Variants in SMS observed in about 807,000 individuals in gnomAD.
SMS encodes the protein spermine synthase, also known as spermidine aminopropyltransferase.
A neutral mutation model predicts 33.0 loss-of-function variants in SMS; 3 were observed. That is an observed-to-expected ratio of 0.09 (90% CI 0.04 to 0.23). The LOEUF is 0.23. SMS is among the 10% of genes least tolerant of loss of function. The pLI, the probability that SMS is intolerant of heterozygous loss-of-function variation, is 1.00. For synonymous variants in SMS, 103 were observed against 112.2 expected (o/e 0.92, Z 0.52); for missense variants, 117 against 288.6 (o/e 0.41, Z 4.31).
chrX:21,951,434 T>G (rs747040168), intron 1 of SMS, among the ~76,000 whole-genome samples: 2 of 112,482 alleles, frequency 1.8e-5, no homozygotes, highest in African/African-American at 6.4e-5. Context: ...AGAAGCTCTT[T>G]AGTTGAATTA....
In SMS at chrX:21,971,928, T is replaced by C. The variant is rs1412027822; in HGVS notation, c.202T>C (p.Leu68=). The C allele has an allele frequency of 8.3e-7, 1 of 1,201,179 alleles. No homozygotes were observed. Among genetic ancestry groups the C allele is most frequent in the Admixed American group, 2.2e-5 (1 of 46,012 alleles). Residue 68 remains leucine (L), a synonymous_variant, in exon 3 of 11, where the codon TTG becomes CTG. Coordinates refer to ENST00000404933, the MANE Select transcript of SMS (RefSeq NM_004595.5). ...CAATTTGAGAATTTACCCACATGGATTGGTGTTGCTGGACCTTCAGAGTTA... is the reference window on the plus strand; with the variant it reads ...CAATTTGAGAATTTACCCACATGGACTGGTGTTGCTGGACCTTCAGAGTTA... ...FANLRIYPHG[L]VLLDLQSYDG...
chrX:21,994,238 G>A (rs1031108959), intron 10 of SMS, 74 bp from the exon 11 acceptor site: 1 of 956,123 alleles, frequency 1.0e-6, no homozygotes, highest in Non-Finnish European at 1.5e-6. Flanking sequence ...CAATTTGTAG[G>A]CCAGCAAACG....
intron 1 of SMS, among the ~76,000 whole-genome samples, chrX:21,947,323 A>G (rs1031974153): frequency 3.1e-4 from 34 of 111,350 alleles, no homozygotes; most frequent in Non-Finnish European, 4.1e-4. Context: ...TGGGGAATGC[A>G]TGCTTGGGCC....
chrX:21,968,958 G>A (rs757978867), intron 2 of SMS, among the ~76,000 whole-genome samples: 2 of 111,520 alleles, frequency 1.8e-5, no homozygotes, highest in Admixed American at 1.9e-4. Flanking sequence ...ACTCCAGGAT[G>A]GGGTATTTTC....
rs770413814 is a variant in SMS, at chrX:21,994,548, C to T, written c.*197C>T. The T allele has an allele frequency of 1.9e-3, 2,003 of 1,042,082 alleles. No homozygotes were observed. The highest frequency in any genetic ancestry group is 2.3e-3 in the Non-Finnish European group (1,916 of 818,884). 85.9% of individuals were successfully genotyped at this position (1,042,082 alleles called of 1,213,427 possible). ...CTTAGGGTGTTTTTTTTTTGAAAGT[C>T]AGCTGAAGGATGGTTAGACAGCACA... On this transcript the variant is annotated 3_prime_UTR_variant, in exon 11 of 11. Coordinates refer to ENST00000404933, the MANE Select transcript of SMS (RefSeq NM_004595.5).
At chrX:21,947,256 G>A (rs916921056) in intron 1 of SMS, among the ~76,000 whole-genome samples, 6 of 111,481 alleles carry the variant, frequency 5.4e-5, no homozygotes, top group African/African-American at 2.0e-4. Context: ...TGATAACACC[G>A]CAGGCACAGA....
rs191553798 is a variant in SMS at position 21,989,806 on chromosome X, G to C, written c.946-2791G>C. Among the ~76,000 whole-genome samples the C allele has an allele frequency of 5.6e-3, 622 of 111,275 alleles. 6 individuals carry two copies. The highest frequency in any genetic ancestry group is 0.019 in the African/African-American group (590 of 30,563). ...GGCCCAGGCTAGAGTACAGTGGCTT[G>C]ATCACTGCTCACTGCAACCTTTGCC... is the stretch of plus-strand genomic sequence containing the variant. On this transcript the variant is annotated intron_variant, in intron 9 of 10. Transcript: ENST00000404933.
chrX:21,966,966 G>A lies in SMS; in HGVS notation c.50-230G>A, dbSNP rs182751635. Reference sequence around the variant, plus strand: ...ACCGTCGTGTAATCTGGTGGTCTGCGTTGCCTTTCCTTGCAGGGTGGAGAA... The same window carrying A: ...ACCGTCGTGTAATCTGGTGGTCTGCATTGCCTTTCCTTGCAGGGTGGAGAA... On this transcript the variant is annotated intron_variant, in intron 1 of 10. Coordinates refer to ENST00000404933, the MANE Select transcript of SMS (RefSeq NM_004595.5). 2.9e-3 allele frequency among the ~76,000 whole-genome samples: 321 copies of A among 111,379 alleles called. 3 individuals are homozygous for A. Among genetic ancestry groups the A allele is most frequent in the African/African-American group, 0.01 (307 of 30,635 alleles).
rs750634257 is a variant in SMS at position 21,981,753 on chromosome X, G to A, written c.751-2551G>A. Among the ~76,000 whole-genome samples the A allele has an allele frequency of 3.6e-5, 4 of 111,813 alleles. No individual in the cohort carries two copies. The South Asian group carries it at 1.5e-3, about 42-fold the overall frequency. On this transcript the variant is annotated intron_variant, in intron 7 of 10. Transcript: ENST00000404933. ...AGAAATAGGAATTTTGGTGACTTAG[G>A]CTCTAAATGTAAAAACTAATACATT...
intron 2 of SMS, among the ~76,000 whole-genome samples, chrX:21,967,811 G>A (rs1429704409): frequency 8.9e-6 from 1 of 112,620 alleles, no homozygotes; most frequent in African/African-American, 3.2e-5. Context: ...GGACTTTAGC[G>A]TAATAGTAAG....
chrX:21,942,175 G>A (rs1344630637), intron 1 of SMS, among the ~76,000 whole-genome samples: 3 of 110,640 alleles, frequency 2.7e-5, no homozygotes, highest in African/African-American at 9.9e-5. Flanking sequence ...TGTTTTCCTC[G>A]AATTGGATAG....
intron 1 of SMS, among the ~76,000 whole-genome samples, chrX:21,944,578 T>C (rs1174655850): frequency 2.0e-5 from 2 of 101,329 alleles, no homozygotes; most frequent in Non-Finnish European, 3.9e-5. Flanking sequence ...GTGAGTTTTC[T>C]GCACCTGTAG....
chrX:21,941,979 G>C (rs991760586), intron 1 of SMS, among the ~76,000 whole-genome samples: 7 of 105,231 alleles, frequency 6.7e-5, no homozygotes, highest in African/African-American at 2.4e-4. Flanking sequence ...GAAATTTGAA[G>C]GGGAAGGATA....
intron 7 of SMS, among the ~76,000 whole-genome samples, chrX:21,983,058 A>G (rs1925078636): frequency 9.0e-6 from 1 of 110,951 alleles, no homozygotes; most frequent in African/African-American, 3.3e-5. Flanking sequence ...TTTTTGAGTC[A>G]AGGTCTTGCT....
intron 9 of SMS, among the ~76,000 whole-genome samples, chrX:21,986,435 C>G (rs1465513687): frequency 9.2e-6 from 1 of 109,081 alleles, no homozygotes; most frequent in African/African-American, 3.3e-5. Flanking sequence ...CCAGCAGACC[C>G]TATCCTGGAC....
intron 9 of SMS, 144 bp from the exon 10 acceptor site, chrX:21,992,453 G>A (rs1925820065): frequency 4.1e-6 from 2 of 487,412 alleles, no homozygotes; most frequent in Non-Finnish European, 7.3e-6. Context: ...AGTGTGATTT[G>A]TGAAAATACA....
chrX:21,971,089 G>A (rs1380710485), intron 2 of SMS, among the ~76,000 whole-genome samples: 4 of 109,062 alleles, frequency 3.7e-5, no homozygotes, highest in Non-Finnish European at 5.7e-5. Context: ...CCAGCTACTC[G>A]GGAGGCTGAG....
intron 2 of SMS, among the ~76,000 whole-genome samples, chrX:21,970,565 G>A (rs1924063272): frequency 9.2e-6 from 1 of 109,243 alleles, no homozygotes; most frequent in Non-Finnish European, 1.9e-5. Flanking sequence ...AACTAGTTTT[G>A]TTTTATTTTA....
chrX:21,957,429 C>T (rs780297224), intron 1 of SMS, among the ~76,000 whole-genome samples: 83 of 110,455 alleles, frequency 7.5e-4, no homozygotes, highest in Non-Finnish European at 8.5e-4. Context: ...CCCAAGTAGC[C>T]AGGGCTACAG....
Sources: allele counts gnomAD v4.1 joint callset (sites outside exome capture counted in the v4.1 genomes callset), GRCh38; gene constraint gnomAD v4.1.1; transcripts MANE v1.5; gene names NCBI Gene and HGNC (gene_info 2026-07-23, HGNC 2026-07-21).